Variants in WDR64 observed in about 807,000 individuals in gnomAD.
WDR64 encodes WD repeat-containing protein 64.
In WDR64, 112 loss-of-function variants were observed where a neutral mutation model predicts 139.3. The observed-to-expected ratio is 0.80, with a 90% CI of 0.69 to 0.94. The LOEUF (loss-of-function observed/expected upper bound fraction) is 0.94. Among genes scored for constraint, WDR64 ranks in the 40% least tolerant of loss-of-function variants. WDR64 has a pLI of 0.00. For synonymous variants in WDR64, 444 were observed against 437.7 expected (o/e 1.01, Z -0.18); for missense variants, 1,206 against 1,293.1 (o/e 0.93, Z 1.03).
chr1:241,700,717 C>A (rs1255271501), intron 8 of WDR64, among the ~76,000 whole-genome samples: 1 of 152,088 alleles, frequency 6.6e-6, no homozygotes, highest in African/African-American at 2.4e-5. Context: ...TCAATAACCT[C>A]CTTTATGAAT....
chr1:241,694,027 A>G (rs1667396955), intron 8 of WDR64, among the ~76,000 whole-genome samples: 1 of 152,140 alleles, frequency 6.6e-6, no homozygotes, highest in East Asian at 1.9e-4. Context: ...TAGTACTAGG[A>G]AAAATGGTGA....
At position 241,738,487 on chromosome 1, in the gene WDR64, CG is replaced by C. The variant is rs781652316; in HGVS notation, c.1321+1del. Reference sequence around the variant, plus strand: ...GATGCCAATCATGGCATGCTTATTACGGGTAAGTGTACCCAATTAATGTCAA... The same window carrying C: ...GATGCCAATCATGGCATGCTTATTACGGTAAGTGTACCCAATTAATGTCAA... ...IYDANHGMLI[T>X]GSSVMDMYPL... On this transcript the variant is annotated frameshift_variant and splice_region_variant, in exon 11 of 28. Coordinates refer to ENST00000437684, the MANE Select transcript of WDR64 (RefSeq NM_001367482.1). LOFTEE classifies it high-confidence loss of function. The C allele has an allele frequency of 6.2e-7, 1 of 1,605,904 alleles. No homozygotes were observed. Among genetic ancestry groups the C allele is most frequent in the Non-Finnish European group, 8.5e-7 (1 of 1,177,174 alleles).
chr1:241,688,877 T>A (rs1307263637), intron 8 of WDR64, among the ~76,000 whole-genome samples: 1 of 152,006 alleles, frequency 6.6e-6, no homozygotes, highest in Admixed American at 6.6e-5. Flanking sequence ...TTAAAGTGAG[T>A]ATCAGTGAAA....
intron 10 of WDR64, among the ~76,000 whole-genome samples, chr1:241,733,367 C>T (rs112111883): frequency 0.021 from 3,185 of 151,924 alleles, 107 homozygotes; most frequent in African/African-American, 0.074. Flanking sequence ...ACCAGCTACT[C>T]GGGAAGCTCA....
Position 241,675,294 on chromosome 1 carries a change from T to C in WDR64, c.483+547T>C, listed in dbSNP as rs181493897. 1.5e-4 allele frequency among the ~76,000 whole-genome samples: 18 copies of C among 123,066 alleles called. No individual in the cohort carries two copies. The East Asian group carries it at 5.3e-3, about 36-fold the overall frequency. The allele number at this position is 123,066 out of a possible 152,430, so 80.7% of individuals were successfully genotyped here. On this transcript the variant is annotated intron_variant, in intron 4 of 27. Coordinates refer to ENST00000437684, the MANE Select transcript of WDR64 (RefSeq NM_001367482.1). ...TCCCTTCCTCTCTCTCCTCCTCCCC[T>C]CCTCTCTTCTTCCCTCCTCCCTTCC...
chr1:241,682,748 T>C (rs1446800688), intron 6 of WDR64, among the ~76,000 whole-genome samples: 2 of 152,234 alleles, frequency 1.3e-5, no homozygotes, highest in African/African-American at 4.8e-5. Flanking sequence ...GATCAAATGT[T>C]ACTTTCTCTG....
chr1:241,752,665 C>T (rs1470506122), intron 14 of WDR64, among the ~76,000 whole-genome samples: 1 of 152,118 alleles, frequency 6.6e-6, no homozygotes, highest in Non-Finnish European at 1.5e-5. Context: ...GCCTGGGCAA[C>T]ATAGTGAGAC....
rs537799771 is a variant in WDR64, at chr1:241,722,245, A to T, written c.1055-1052A>T. 1.8e-4 allele frequency among the ~76,000 whole-genome samples: 27 copies of T among 152,342 alleles called. No individual in the cohort carries two copies. The South Asian group carries it at 3.1e-3, about 18-fold the overall frequency. Reference sequence around the variant, plus strand: ...AGGTATCATTTAGAACTATTAACATAGCAAACATTTTAAATCATGACAATA... The same window carrying T: ...AGGTATCATTTAGAACTATTAACATTGCAAACATTTTAAATCATGACAATA... On this transcript the variant is annotated intron_variant, in intron 9 of 27. Transcript: ENST00000437684.
intron 10 of WDR64, among the ~76,000 whole-genome samples, chr1:241,733,544 A>T (rs1669175910): frequency 6.6e-6 from 1 of 151,848 alleles, no homozygotes; most frequent in Admixed American, 6.6e-5. Context: ...TAGAAGATAA[A>T]TTTTTAAAAT....
At chr1:241,754,115 G>T (rs1028366335) in intron 14 of WDR64, among the ~76,000 whole-genome samples, 1 of 151,840 alleles carries the variant, frequency 6.6e-6, no homozygotes, top group South Asian at 2.1e-4. Flanking sequence ...CAGATGGCTC[G>T]CAGACACATG....
At chr1:241,655,926 C>T (rs1351447090) in intron 1 of WDR64, among the ~76,000 whole-genome samples, 1 of 152,114 alleles carries the variant, frequency 6.6e-6, no homozygotes, top group Non-Finnish European at 1.5e-5. Context: ...CCACCATTGG[C>T]CTGTGGTTGT....
chr1:241,693,562 T>A (rs61825795), intron 8 of WDR64, among the ~76,000 whole-genome samples: 54,143 of 152,032 alleles, frequency 0.36, 10,180 homozygotes, highest in Non-Finnish European at 0.42. Context: ...GTTTATAATC[T>A]TGTGTCCATT....
At chr1:241,788,175 T>A in intron 24 of WDR64, 141 bp downstream of exon 24, 1 of 641,702 alleles carries the variant, frequency 1.6e-6, no homozygotes, top group Non-Finnish European at 2.4e-6. Flanking sequence ...AAGGGAAATG[T>A]ATGTAAACAA....
intron 2 of WDR64, among the ~76,000 whole-genome samples, chr1:241,661,268 A>G (rs1377320199): frequency 6.6e-6 from 1 of 152,028 alleles, no homozygotes; most frequent in Non-Finnish European, 1.5e-5. Flanking sequence ...ATTTAAACCT[A>G]AGACACAGGA....
intron 1 of WDR64, among the ~76,000 whole-genome samples, chr1:241,654,360 G>T (rs946367444): frequency 1.1e-4 from 16 of 152,178 alleles, no homozygotes; most frequent in Admixed American, 3.3e-4. Context: ...ATCTACTCAG[G>T]TCTGGCTTCT....
chr1:241,748,233 G>A (rs1669837511), intron 13 of WDR64, among the ~76,000 whole-genome samples: 4 of 152,202 alleles, frequency 2.6e-5, no homozygotes, highest in Admixed American at 2.6e-4. Flanking sequence ...TACCTCTTGA[G>A]GGGAGATAGG....
chr1:241,734,983 A>T (rs938765268), intron 10 of WDR64, among the ~76,000 whole-genome samples: 39 of 152,236 alleles, frequency 2.6e-4, no homozygotes, highest in African/African-American at 9.2e-4. Context: ...TATCATGGGC[A>T]TCTAGAGAAA....
At chr1:241,754,825 G>C (rs1252921930) in intron 14 of WDR64, among the ~76,000 whole-genome samples, 1 of 152,016 alleles carries the variant, frequency 6.6e-6, no homozygotes, top group Non-Finnish European at 1.5e-5. Context: ...GCGGTGTTTG[G>C]TTTTCTGTTC....
chr1:241,713,906 T>G (rs912307241), intron 9 of WDR64, among the ~76,000 whole-genome samples: 2 of 152,202 alleles, frequency 1.3e-5, no homozygotes, highest in African/African-American at 4.8e-5. Flanking sequence ...CACGTTTGTA[T>G]GGTGGGAGAA....
Sources: gnomAD v4.1 joint callset for allele counts (sites outside exome capture counted in the v4.1 genomes callset) on GRCh38, gnomAD v4.1.1 for gene constraint, MANE v1.5 for transcripts, NCBI Gene and HGNC (gene_info 2026-07-23, HGNC 2026-07-21) for gene names.